Variants in DAB1 observed in about 807,000 individuals in gnomAD.
DAB1 encodes the protein DAB adaptor protein 1, also known as disabled homolog 1.
In DAB1, 15 loss-of-function variants were observed where a neutral mutation model predicts 64.6. That is an observed-to-expected ratio of 0.23 (90% confidence interval 0.16 to 0.36). The LOEUF is 0.36. Among genes scored for constraint, DAB1 ranks in the 10% least tolerant of loss-of-function variants. The probability of loss-of-function intolerance (pLI) is 1.00; values close to 1 mark genes in which losing one functional copy is unlikely to be tolerated. For missense variants in DAB1, 596 were observed against 706.7 expected (o/e 0.84, Z 1.78); for synonymous variants, 235 against 251.9 (o/e 0.93, Z 0.64).
intron 4 of DAB1, among the ~76,000 whole-genome samples, chr1:58,233,115 C>T (rs997709980): frequency 1.3e-5 from 2 of 152,166 alleles, no homozygotes; most frequent in Non-Finnish European, 2.9e-5. Flanking sequence ...TGCTTATATG[C>T]TTGCTCTTTA....
At position 58,503,874 on chromosome 1, in the gene DAB1, T is replaced by G. The variant is rs182020706; in HGVS notation, n.257+2186A>C. On this transcript the variant is annotated intron_variant and non_coding_transcript_variant, in intron 3 of 20. Coordinates refer to the DAB1 transcript ENST00000485760. ...TAAAATAGGTGTTAAGAAGCCATGC[T>G]TGGCTGTCCTCAATGCTCACAAAAG... is the stretch of plus-strand genomic sequence containing the variant. Among the ~76,000 whole-genome samples the G allele has an allele frequency of 2.3e-4, 35 of 152,356 alleles. No individual in the cohort carries two copies. In the East Asian group the frequency reaches 6.6e-3, roughly 29 times the overall value.
chr1:57,013,647 T>C (rs925097599), intron 12 of DAB1, among the ~76,000 whole-genome samples: 2 of 152,168 alleles, frequency 1.3e-5, no homozygotes, highest in Non-Finnish European at 2.9e-5. Flanking sequence ...GTTCACAGTA[T>C]TGGCCATGCA....
At chr1:58,039,861 T>G (rs995088142) in intron 5 of DAB1, among the ~76,000 whole-genome samples, 4 of 152,218 alleles carry the variant, frequency 2.6e-5, no homozygotes, top group African/African-American at 9.6e-5. Context: ...AAATATGAAG[T>G]ACTTACAAAA....
intron 6 of DAB1, among the ~76,000 whole-genome samples, chr1:57,722,704 T>C (rs568110295): frequency 5.9e-5 from 9 of 152,280 alleles, no homozygotes; most frequent in Admixed American, 3.3e-4. Context: ...ATTGAGGGGA[T>C]TGGAGCACTC....
upstream of DAB1, among the ~76,000 whole-genome samples, chr1:57,886,979 G>A (rs1644232669): frequency 6.6e-6 from 1 of 152,170 alleles, no homozygotes; most frequent in Non-Finnish European, 1.5e-5. Context: ...AACACATGCA[G>A]AAGGTTTTCA....
intron 1 of DAB1, among the ~76,000 whole-genome samples, chr1:57,881,101 C>A (rs1230289548): frequency 6.6e-6 from 1 of 152,126 alleles, no homozygotes; most frequent in African/African-American, 2.4e-5. Flanking sequence ...GCTGACTTTA[C>A]TTCACTAAGC....
intron 5 of DAB1, among the ~76,000 whole-genome samples, chr1:57,890,353 C>T (rs946334320): frequency 6.6e-6 from 1 of 152,054 alleles, no homozygotes; most frequent in African/African-American, 2.4e-5. Flanking sequence ...GTCTGTGACC[C>T]CAACTCTTCA....
At chr1:58,023,537 G>A (rs1474458179) in intron 5 of DAB1, among the ~76,000 whole-genome samples, 2 of 152,142 alleles carry the variant, frequency 1.3e-5, no homozygotes, top group Non-Finnish European at 2.9e-5. Flanking sequence ...GTATAAAATG[G>A]TGAGGTACTA....
rs566698173 is a variant in DAB1 at position 58,072,985 on chromosome 1, C to T, written n.387+77526G>A. ...TGCAGCATAATGAAAGTAGTTTATA[C>T]ATAACTCATTTAATATTCACCAACC... On this transcript the variant is annotated intron_variant and non_coding_transcript_variant, in intron 5 of 20. Transcript: ENST00000485760. 5.2e-4 allele frequency among the ~76,000 whole-genome samples: 79 copies of T among 152,284 alleles called. 1 individual carries two copies. The highest frequency in any genetic ancestry group is 1.9e-3 in the African/African-American group (77 of 41,562).
intron 7 of DAB1, among the ~76,000 whole-genome samples, chr1:57,602,950 C>T (rs1645591968): frequency 6.6e-6 from 1 of 152,116 alleles, no homozygotes; most frequent in Non-Finnish European, 1.5e-5. Context: ...CAAATGATCA[C>T]CACAAACTAC....
chr1:57,334,322 C>A (rs1323897191), intron 1 of DAB1, among the ~76,000 whole-genome samples: 1 of 152,230 alleles, frequency 6.6e-6, no homozygotes, highest in Non-Finnish European at 1.5e-5. Flanking sequence ...GGGTTCAAGT[C>A]CTGACTCTGC....
intron 6 of DAB1, among the ~76,000 whole-genome samples, chr1:57,805,995 C>A (rs1021096075): frequency 6.6e-6 from 1 of 152,154 alleles, no homozygotes; most frequent in Admixed American, 6.5e-5. Context: ...TTAGGTAATG[C>A]AATCTTGGAA....
At chr1:57,636,090 C>T (rs1417156822) in intron 7 of DAB1, among the ~76,000 whole-genome samples, 8 of 103,572 alleles carry the variant, frequency 7.7e-5, no homozygotes, top group Non-Finnish European at 1.5e-4. Flanking sequence ...GAGCGAGACA[C>T]GGTCTCAAAA....
At chr1:57,121,888 G>A (rs555775243) in intron 4 of DAB1, among the ~76,000 whole-genome samples, 1 of 152,066 alleles carries the variant, frequency 6.6e-6, no homozygotes, top group South Asian at 2.1e-4. Flanking sequence ...TTCTGCACAT[G>A]TATCCAAAAC....
At chr1:57,612,218 T>TGTGTGTGTGTGTGTGC (rs952589739) in intron 7 of DAB1, among the ~76,000 whole-genome samples, 1 of 151,612 alleles carries the variant, frequency 6.6e-6, no homozygotes, top group African/African-American at 2.4e-5. Context: ...TGTGTGTGTG[T>TGTGTGTGTGTGTGTGC]GCATGTGTGT....
At chr1:58,275,941 A>T (rs892699071) in intron 4 of DAB1, among the ~76,000 whole-genome samples, 16 of 152,350 alleles carry the variant, frequency 1.1e-4, no homozygotes, top group African/African-American at 3.1e-4. Flanking sequence ...AACAACAGAT[A>T]ACAAAATGTG....
intron 7 of DAB1, among the ~76,000 whole-genome samples, chr1:57,615,187 TAA>T (rs1440126512): frequency 1.3e-5 from 2 of 152,204 alleles, no homozygotes; most frequent in African/African-American, 4.8e-5. Context: ...TCTTTCTTAG[TAA>T]GAGAATATTC....
intron 7 of DAB1, among the ~76,000 whole-genome samples, chr1:57,513,230 A>G (rs923800583): frequency 1.3e-5 from 2 of 151,830 alleles, no homozygotes; most frequent in Non-Finnish European, 2.9e-5. Flanking sequence ...TCAATCCCCC[A>G]GCAGCCTCTG....
intron 4 of DAB1, among the ~76,000 whole-genome samples, chr1:58,235,742 T>C (rs1659997222): frequency 6.6e-6 from 1 of 152,190 alleles, no homozygotes; most frequent in Non-Finnish European, 1.5e-5. Flanking sequence ...TGAACCAAAC[T>C]GCAAAATCAA....
Sources: gnomAD v4.1 joint callset for allele counts (sites outside exome capture counted in the v4.1 genomes callset) on GRCh38, gnomAD v4.1.1 for gene constraint, MANE v1.5 for transcripts, NCBI Gene and HGNC (gene_info 2026-07-23, HGNC 2026-07-21) for gene names.